PCDHGA3: variants seen among roughly 807,000 people sequenced by gnomAD.
PCDHGA3 encodes protocadherin gamma-A3.
In PCDHGA3, 40 loss-of-function variants were observed where a neutral mutation model predicts 58.5. That is an observed-to-expected ratio of 0.68 (90% CI 0.53 to 0.89). The LOEUF is 0.89. Among genes scored for constraint, PCDHGA3 ranks in the 40% least tolerant of loss-of-function variants. The probability of loss-of-function intolerance (pLI) is 0.00; values close to 1 mark genes in which losing one functional copy is unlikely to be tolerated. For synonymous variants in PCDHGA3, 530 were observed against 525.7 expected (o/e 1.01, Z -0.11); for missense variants, 1,223 against 1,195.9 (o/e 1.02, Z -0.33).
At chr5:141,376,522 G>C in intron 1 of PCDHGA3, 1 of 1,613,784 alleles carries the variant, frequency 6.2e-7, no homozygotes, top group Non-Finnish European at 8.5e-7. Context: ...GTTTCTTTCC[G>C]CCTAAGCGGG....
At chr5:141,467,596 C>G (rs2099147035) in intron 1 of PCDHGA3, among the ~76,000 whole-genome samples, 1 of 152,202 alleles carries the variant, frequency 6.6e-6, no homozygotes, top group South Asian at 2.1e-4. Context: ...ATTTATTAAG[C>G]ACTTCATCTT....
intron 1 of PCDHGA3, chr5:141,366,538 C>T (rs1369448812): frequency 2.5e-6 from 4 of 1,614,268 alleles, no homozygotes; most frequent in Admixed American, 1.7e-5. Flanking sequence ...CGGGTGTGCC[C>T]GCCTCGCACT....
At chr5:141,386,997 C>T (rs1001565782) in intron 1 of PCDHGA3, among the ~76,000 whole-genome samples, 2 of 152,070 alleles carry the variant, frequency 1.3e-5, no homozygotes, top group African/African-American at 4.8e-5. Context: ...ATGTATTATC[C>T]CCCTGATAAC....
chr5:141,510,633 TACCA>T (rs2099882032), intron 3 of PCDHGA3, among the ~76,000 whole-genome samples: 1 of 152,110 alleles, frequency 6.6e-6, no homozygotes, highest in Admixed American at 6.6e-5. Flanking sequence ...AAGAGGTGGT[TACCA>T]TTATCATCCC....
chr5:141,432,586 C>G lies in PCDHGA3; in HGVS notation c.2425-62221C>G. 6.2e-7 allele frequency: 1 copy of G among 1,613,852 alleles called. No homozygotes were observed. The highest frequency in any genetic ancestry group is 8.5e-7 in the Non-Finnish European group (1 of 1,179,972). On this transcript the variant is annotated intron_variant, in intron 1 of 3. Transcript: ENST00000253812. The surrounding 1 kb of genome is among the most constrained non-coding windows in gnomAD (Gnocchi z 6.0). ...ACGCCTGGCTGTCCTACCGTCTGCT[C>G]AAGGCCAGCGAGCCGGGACTCTTCT...
intron 1 of PCDHGA3, chr5:141,366,296 G>A (rs776172631): frequency 6.2e-6 from 10 of 1,613,616 alleles, no homozygotes; most frequent in African/African-American, 2.7e-5. Flanking sequence ...CCCTCTGTCA[G>A]CCACCTTCAC....
intron 1 of PCDHGA3, among the ~76,000 whole-genome samples, chr5:141,368,562 A>G (rs1765727979): frequency 6.6e-6 from 1 of 152,144 alleles, no homozygotes; most frequent in African/African-American, 2.4e-5. Flanking sequence ...AGAAAATGTT[A>G]TATGCTTCTT....
chr5:141,441,865 G>T, intron 1 of PCDHGA3: 1 of 345,726 alleles, frequency 2.9e-6, no homozygotes. Context: ...GCACGCCGCG[G>T]AGCCTGGCTA....
chr5:141,419,792 G>A (rs1379811891), intron 1 of PCDHGA3: 1 of 1,614,042 alleles, frequency 6.2e-7, no homozygotes, highest in African/African-American at 1.3e-5. Flanking sequence ...CCTGCTAGTC[G>A]CTGTAAGAGA....
intron 1 of PCDHGA3, chr5:141,433,307 C>T (rs982853368): frequency 2.2e-6 from 2 of 913,640 alleles, no homozygotes; most frequent in Admixed American, 2.7e-5. Context: ...AATTATCCCA[C>T]CTTTGCCTCC....
rs1262043820 is a variant in PCDHGA3, at chr5:141,415,755, T to TTG, written c.2424+69299_2424+69300insGT. Reference sequence around the variant, plus strand: ...GTTTATTAAGGTTTTTTTTTTTTTTTTTTTTTTTTTTTTTTTTACTTTCTG... The same window carrying TTG: ...GTTTATTAAGGTTTTTTTTTTTTTTTTGTTTTTTTTTTTTTTTTTACTTTCTG... On this transcript the variant is annotated intron_variant, in intron 1 of 3. Transcript: ENST00000253812. 56 of 1,387,630 alleles carry TTG rather than the reference T, an allele frequency of 4.0e-5. No individual in the cohort carries two copies. The African/African-American group carries it at 7.5e-4, about 19-fold the overall frequency. The allele number at this position is 1,387,630 out of a possible 1,614,324, so 86.0% of individuals were successfully genotyped here. A position where few individuals can be genotyped will look rare whatever the true frequency, so the allele number is the denominator to read the frequency against.
At chr5:141,392,945 C>T (rs1561639150) in intron 1 of PCDHGA3, 1 of 1,613,916 alleles carries the variant, frequency 6.2e-7, no homozygotes. Flanking sequence ...AAGGCTCCTT[C>T]GTGGGTAATA....
chr5:141,413,262 G>A (rs2095621152), intron 1 of PCDHGA3: 2 of 1,613,960 alleles, frequency 1.2e-6, no homozygotes, highest in South Asian at 1.1e-5. Context: ...TTCCATGGGA[G>A]GCTGGAGCCC....
rs2094308599 is a variant in PCDHGA3 at position 141,402,798 on chromosome 5, C to T, written c.2424+56341C>T. ...TTTCCAGTTCTGCGGCTACACAAAA[C>T]CCGGCAGATACCACAAACCTGCTCC... On this transcript the variant is annotated intron_variant, in intron 1 of 3. Transcript: ENST00000253812. 7.6e-6 allele frequency: 8 copies of T among 1,054,376 alleles called. No individual in the cohort carries two copies. The South Asian group carries it at 1.6e-4, about 20-fold the overall frequency. The allele number at this position is 1,054,376 out of a possible 1,614,324, so 65.3% of individuals were successfully genotyped here. A position where few individuals can be genotyped will look rare whatever the true frequency, so the allele number is the denominator to read the frequency against.
chr5:141,403,109 G>T, intron 1 of PCDHGA3: 2 of 1,614,074 alleles, frequency 1.2e-6, no homozygotes, highest in Non-Finnish European at 1.7e-6. Flanking sequence ...CAAGGACCTG[G>T]CTCTGGAGCC....
At position 141,344,670 on chromosome 5, in the gene PCDHGA3, G is replaced by A. The variant is rs1383007009; in HGVS notation, c.637G>A (p.Val213Ile). ...EKKEIHQLVLVASDGGDPVHS... is the reference protein window; with the variant it reads ...EKKEIHQLVLIASDGGDPVHS... ...AAAAGAAATTCACCAGCTTGTCCTG[G>A]TTGCCTCTGATGGTGGCGACCCTGT... Residue 213 changes from valine to isoleucine, a missense_variant, in exon 1 of 4, where the codon GTT (valine) becomes ATT (isoleucine). Coordinates refer to ENST00000253812, the MANE Select transcript of PCDHGA3 (RefSeq NM_018916.4). 1 of 1,613,978 alleles carries A rather than the reference G, an allele frequency of 6.2e-7. No individual in the cohort carries two copies. Among genetic ancestry groups the A allele is most frequent in the South Asian group, 1.1e-5 (1 of 91,084 alleles).
intron 1 of PCDHGA3, chr5:141,422,227 A>G: frequency 6.4e-7 from 1 of 1,566,716 alleles, no homozygotes; most frequent in Non-Finnish European, 8.6e-7. Context: ...CACCACGACG[A>G]TGTTGATCAC....
In PCDHGA3 at chr5:141,448,129, C is replaced by A. The variant is rs116387986; in HGVS notation, c.2425-46678C>A. On this transcript the variant is annotated intron_variant, in intron 1 of 3. Coordinates refer to ENST00000253812, the MANE Select transcript of PCDHGA3 (RefSeq NM_018916.4). Reference sequence around the variant, plus strand: ...AGAAAAGAAAATTAGCCTCCCCCACCCTCACTATACCTCAGACTCACCCCT... The same window carrying A: ...AGAAAAGAAAATTAGCCTCCCCCACACTCACTATACCTCAGACTCACCCCT... 4.4e-3 allele frequency among the ~76,000 whole-genome samples: 671 copies of A among 152,002 alleles called. 4 individuals carry two copies. Among genetic ancestry groups the A allele is most frequent in the African/African-American group, 0.015 (612 of 41,466 alleles).
At chr5:141,370,896 C>G in intron 1 of PCDHGA3, 1 of 1,614,040 alleles carries the variant, frequency 6.2e-7, no homozygotes, top group Non-Finnish European at 8.5e-7. Context: ...CAATTCGCTG[C>G]AGCAGTACTA....
Sources: allele counts gnomAD v4.1 joint callset (sites outside exome capture counted in the v4.1 genomes callset), GRCh38; gene constraint gnomAD v4.1.1; non-coding constraint Gnocchi (gnomAD v3.1); transcripts MANE v1.5; gene names NCBI Gene and HGNC (gene_info 2026-07-23, HGNC 2026-07-21).